The following TBCD variants were observed in gnomAD, a reference collection of about 807,000 sequenced individuals.
TBCD encodes the protein tubulin-specific chaperone D.
Under a neutral mutation model 169.3 loss-of-function variants are expected in TBCD, and 105 were observed. The ratio of observed to expected loss-of-function variants is 0.62; its 90% CI spans 0.53 to 0.73. TBCD has a LOEUF of 0.73. Among genes scored for constraint, TBCD ranks in the 30% least tolerant of loss-of-function variants. The pLI is 0.00. For missense variants in TBCD, 1,444 were observed against 1,600.1 expected (o/e 0.90, Z 1.66); for synonymous variants, 700 against 643.9 (o/e 1.09, Z -1.32).
intron 37 of TBCD, among the ~76,000 whole-genome samples, chr17:82,940,221 G>GCGCACACACACACACACACACACA (rs1356825330): frequency 3.0e-5 from 4 of 131,808 alleles, no homozygotes; most frequent in East Asian, 4.5e-4. Context: ...TTGCACGCGC[G>GCGCACACACACACACACACACACA]CACACACACA....
At chr17:82,940,373 G>C (rs1480487853) in intron 37 of TBCD, among the ~76,000 whole-genome samples, 1 of 152,210 alleles carries the variant, frequency 6.6e-6, no homozygotes, top group African/African-American at 2.4e-5. Context: ...TGTGGATGCT[G>C]CTCTGTTTTG....
In TBCD at chr17:82,903,287, C is replaced by A. The variant is rs992432817; in HGVS notation, c.1731-118C>A. The A allele has an allele frequency of 1.7e-5, 15 of 889,840 alleles. No individual in the cohort carries two copies. The highest frequency in any genetic ancestry group is 3.3e-5 in the African/African-American group (2 of 60,212). 55.1% of individuals were successfully genotyped at this position (889,840 alleles called of 1,614,324 possible). A position where few individuals can be genotyped will look rare whatever the true frequency, so the allele number is the denominator to read the frequency against. On this transcript the variant is annotated intron_variant, in intron 18 of 38. Transcript: ENST00000355528. This position sits in a 1 kb window ranked among gnomAD's most constrained non-coding sequence, Gnocchi z 4.8. The stretch of plus-strand genomic sequence containing the variant: ...GGTTCGTGTGAGTGAGTGAGTGAGC[C>A]TCTGCTAAGTGGCCGGTTGAGGACT...
intron 26 of TBCD, among the ~76,000 whole-genome samples, chr17:82,924,243 T>C (rs2061586834): frequency 1.3e-5 from 2 of 152,210 alleles, no homozygotes; most frequent in Admixed American, 6.5e-5. Context: ...TGTGAGCCAC[T>C]GCACTCGGTC....
At chr17:82,850,642 G>T (rs1325381102) in intron 13 of TBCD, among the ~76,000 whole-genome samples, 2 of 152,066 alleles carry the variant, frequency 1.3e-5, no homozygotes, top group African/African-American at 4.8e-5. Context: ...TGGCTGTGCT[G>T]TTGTTGGCTG....
At chr17:82,800,393 A>G (rs1484590990) in intron 8 of TBCD, among the ~76,000 whole-genome samples, 2 of 152,048 alleles carry the variant, frequency 1.3e-5, no homozygotes, top group Non-Finnish European at 2.9e-5. Context: ...TGAAAAACAG[A>G]GCAAGCCACA....
chr17:82,879,074 T>C (rs904699479), intron 14 of TBCD, among the ~76,000 whole-genome samples: 34 of 151,282 alleles, frequency 2.2e-4, no homozygotes, highest in Non-Finnish European at 4.4e-4. Flanking sequence ...TTTTTTTTTT[T>C]TTTTTCTTTT....
chr17:82,830,184 C>T (rs1380650622), intron 13 of TBCD: 6 of 1,614,214 alleles, frequency 3.7e-6, no homozygotes, highest in East Asian at 2.2e-5. Context: ...ACACTCTGGC[C>T]GTGTCCTGCA....
chr17:82,937,247 C>G (rs769662204), intron 34 of TBCD, 24 bp from the exon 35 acceptor site: 14 of 1,611,830 alleles, frequency 8.7e-6, no homozygotes, highest in Admixed American at 1.7e-5. Flanking sequence ...AAGCTCATCT[C>G]TAAAGTGTGT....
At chr17:82,821,079 C>T (rs1419180719) in intron 13 of TBCD, among the ~76,000 whole-genome samples, 1 of 151,988 alleles carries the variant, frequency 6.6e-6, no homozygotes, top group Non-Finnish European at 1.5e-5. Context: ...CCTCAGCCTC[C>T]TGAGTAGCTG....
chr17:82,929,228 C>T lies in TBCD; in HGVS notation c.2809C>T (p.Pro937Ser). 1 of 1,613,952 alleles carries T rather than the reference C, an allele frequency of 6.2e-7. No individual in the cohort carries two copies. The highest frequency in any genetic ancestry group is 8.5e-7 in the Non-Finnish European group (1 of 1,179,882). ...CCTGCACTTTGACAGCCCTCCCATC[C>T]CCCACGTGCCCCACCGAGGAGAACT... ...TLLHFDSPPI[P>S]HVPHRGELEK... Residue 937 changes from proline (P) to serine (S), a missense_variant, in exon 31 of 39, where the codon CCC becomes TCC. Coordinates refer to ENST00000355528, the MANE Select transcript of TBCD (RefSeq NM_005993.5).
intron 35 of TBCD, 27 bp downstream of exon 35, chr17:82,937,387 G>A: frequency 1.2e-6 from 2 of 1,608,136 alleles, no homozygotes; most frequent in Non-Finnish European, 1.7e-6. Flanking sequence ...GCTGGCCTTA[G>A]ACGGAATGGC....
At chr17:82,924,217 G>T (rs575643818) in intron 26 of TBCD, among the ~76,000 whole-genome samples, 3 of 152,154 alleles carry the variant, frequency 2.0e-5, no homozygotes, top group Non-Finnish European at 2.9e-5. Flanking sequence ...GCCTCCCAAA[G>T]TTCTGGGATT....
chr17:82,805,737 T>A (rs1027825050), intron 9 of TBCD, 138 bp from the exon 10 acceptor site: 1 of 1,038,734 alleles, frequency 9.6e-7, no homozygotes, highest in African/African-American at 1.6e-5. Context: ...AGGTTCTCCC[T>A]TCTTATCCGG....
At chr17:82,839,086 T>G (rs986220665) in intron 13 of TBCD, 13 of 680,592 alleles carry the variant, frequency 1.9e-5, no homozygotes, top group Non-Finnish European at 2.4e-5. Flanking sequence ...CCCCTTTGGT[T>G]TGGTTTTGTT....
Position 82,905,947 on chromosome 17 carries a change from C to A in TBCD, c.1816C>A (p.Leu606Met). 6.2e-7 allele frequency: 1 copy of A among 1,612,230 alleles called. No individual in the cohort carries two copies. The highest frequency in any genetic ancestry group is 8.5e-7 in the Non-Finnish European group (1 of 1,179,092). Residue 606 changes from leucine to methionine, a missense_variant, in exon 20 of 39, where the codon CTG becomes ATG. Physicochemically the swap from Leu to Met is conservative, Grantham distance 15. Coordinates refer to ENST00000355528, the MANE Select transcript of TBCD (RefSeq NM_005993.5). ...CCTGTCTCTTGCAGTCTTCCCGAGGCTGCTGTCCATGACACTGAGTCCAGA... is the reference window on the plus strand; with the variant it reads ...CCTGTCTCTTGCAGTCTTCCCGAGGATGCTGTCCATGACACTGAGTCCAGA... ...EFSATQVFPR[L>M]LSMTLSPDLH...
intron 8 of TBCD, among the ~76,000 whole-genome samples, chr17:82,800,230 C>A (rs1179361649): frequency 6.6e-6 from 1 of 152,224 alleles, no homozygotes. Flanking sequence ...ATGCTGTCCT[C>A]CTGGCCTCAG....
chr17:82,830,227 C>A, intron 13 of TBCD: 1 of 1,614,232 alleles, frequency 6.2e-7, no homozygotes, highest in Non-Finnish European at 8.5e-7. Flanking sequence ...CTGGGATTTT[C>A]CAGCATCCCT....
intron 7 of TBCD, among the ~76,000 whole-genome samples, chr17:82,784,574 G>A (rs573538326): frequency 1.3e-5 from 2 of 152,326 alleles, no homozygotes; most frequent in South Asian, 2.1e-4. Context: ...GGTAAAGGTG[G>A]TGGATTTAGT....
intron 15 of TBCD, among the ~76,000 whole-genome samples, chr17:82,885,155 C>T (rs2058635036): frequency 6.6e-6 from 1 of 151,964 alleles, no homozygotes; most frequent in Non-Finnish European, 1.5e-5. Flanking sequence ...GGTGCTGGGA[C>T]TGGTGAGGGT....
Sources: gnomAD v4.1 joint callset for allele counts (sites outside exome capture counted in the v4.1 genomes callset) on GRCh38, gnomAD v4.1.1 for gene constraint, Gnocchi (gnomAD v3.1) non-coding constraint, MANE v1.5 for transcripts, NCBI Gene and HGNC (gene_info 2026-07-23, HGNC 2026-07-21) for gene names.